FRMD4A: variants seen among roughly 807,000 people sequenced by gnomAD.
FRMD4A encodes FERM domain-containing protein 4A.
FRMD4A carries 29 observed loss-of-function variants against 129.1 expected under a neutral mutation model. That is an observed-to-expected ratio of 0.22 (90% CI 0.17 to 0.31). FRMD4A has a LOEUF of 0.31. Ranked by LOEUF, FRMD4A falls within the 10% of genes least tolerant of loss-of-function variation. FRMD4A has a pLI of 1.00. For synonymous variants in FRMD4A, 634 were observed against 571.6 expected (o/e 1.11, Z -1.56); for missense variants, 1,272 against 1,375.8 (o/e 0.92, Z 1.19).
intron 12 of FRMD4A, among the ~76,000 whole-genome samples, chr10:13,727,368 A>C (rs2089972221): frequency 6.6e-6 from 1 of 152,086 alleles, no homozygotes; most frequent in African/African-American, 2.4e-5. Flanking sequence ...AGCTACAGAG[A>C]ACCACCTTGC....
At chr10:13,859,841 A>G (rs971140770) in intron 2 of FRMD4A, among the ~76,000 whole-genome samples, 10 of 152,152 alleles carry the variant, frequency 6.6e-5, no homozygotes, top group African/African-American at 2.4e-5. Context: ...GCCTTTCAGG[A>G]CTGAAATCTC....
intron 2 of FRMD4A, among the ~76,000 whole-genome samples, chr10:14,075,975 G>GTAGC (rs1835575234): frequency 6.6e-6 from 1 of 152,198 alleles, no homozygotes; most frequent in Non-Finnish European, 1.5e-5. Flanking sequence ...TCATGGTAAT[G>GTAGC]TAGCATCTAT....
At chr10:13,912,413 A>C (rs370460581) in intron 2 of FRMD4A, among the ~76,000 whole-genome samples, 1 of 152,204 alleles carries the variant, frequency 6.6e-6, no homozygotes, top group Non-Finnish European at 1.5e-5. Context: ...AAACTTGCAC[A>C]TGAATGTTCA....
chr10:13,768,207 T>C (rs1588627292), intron 6 of FRMD4A, among the ~76,000 whole-genome samples: 4 of 152,254 alleles, frequency 2.6e-5, no homozygotes, highest in Admixed American at 2.6e-4. Context: ...CCTGAGGTCA[T>C]TTATCAGCAA....
intron 2 of FRMD4A, among the ~76,000 whole-genome samples, chr10:13,907,311 C>T (rs531130757): frequency 7.9e-5 from 12 of 152,070 alleles, no homozygotes; most frequent in African/African-American, 9.6e-5. Context: ...ATCTGTTGGG[C>T]GGTGATGTGC....
At chr10:13,695,739 T>C (rs866852287) in intron 14 of FRMD4A, among the ~76,000 whole-genome samples, 3 of 152,186 alleles carry the variant, frequency 2.0e-5, no homozygotes, top group South Asian at 4.1e-4. Flanking sequence ...CCAAGGTCTT[T>C]CCCACACAGG....
intron 2 of FRMD4A, among the ~76,000 whole-genome samples, chr10:14,177,035 C>G (rs950663251): frequency 6.6e-6 from 1 of 152,142 alleles, no homozygotes; most frequent in Non-Finnish European, 1.5e-5. Flanking sequence ...TAAGCTGCAT[C>G]CATTATTTGC....
In FRMD4A at chr10:13,785,893, C is replaced by T. The variant is rs901792840; in HGVS notation, c.300-2887G>A. Among the ~76,000 whole-genome samples the T allele has an allele frequency of 1.6e-3, 250 of 151,824 alleles. 7 individuals carry two copies. The highest frequency in any genetic ancestry group is 4.1e-4 in the Non-Finnish European group (28 of 67,970). ...GGTGTTTGGTTTTCTGTCCTTGTGA[C>T]AGTTTGCTCAGAATGATGGTTTCCA... On this transcript the variant is annotated intron_variant, in intron 5 of 24. Transcript: ENST00000357447.
chr10:14,146,078 C>T (rs1035821263), intron 2 of FRMD4A, among the ~76,000 whole-genome samples: 22 of 152,146 alleles, frequency 1.4e-4, no homozygotes, highest in South Asian at 4.2e-4. Flanking sequence ...GAAGAAATTA[C>T]TTAACATCTC....
At chr10:13,680,310 C>CG (rs2084430182) in intron 15 of FRMD4A, among the ~76,000 whole-genome samples, 1 of 152,020 alleles carries the variant, frequency 6.6e-6, no homozygotes, top group African/African-American at 2.4e-5. Context: ...AAAACCAAAC[C>CG]AAAAATTCTA....
At chr10:14,228,113 C>G (rs960806375) in intron 2 of FRMD4A, among the ~76,000 whole-genome samples, 2 of 152,056 alleles carry the variant, frequency 1.3e-5, no homozygotes, top group Non-Finnish European at 2.9e-5. Context: ...ACCTCATGAC[C>G]CACCTGTTTC....
At chr10:14,273,132 C>T (rs991719869) in intron 2 of FRMD4A, among the ~76,000 whole-genome samples, 1 of 151,840 alleles carries the variant, frequency 6.6e-6, no homozygotes, top group Non-Finnish European at 1.5e-5. Context: ...TGGTGCATAC[C>T]TGTGGTCCCA....
chr10:14,187,448 A>T, intron 2 of FRMD4A, among the ~76,000 whole-genome samples: 1 of 152,176 alleles, frequency 6.6e-6, no homozygotes, highest in Non-Finnish European at 1.5e-5. Context: ...TCCTTTGTAA[A>T]TAAAGGAACA....
At chr10:14,050,007 C>A (rs1427801427) in intron 2 of FRMD4A, among the ~76,000 whole-genome samples, 4 of 152,198 alleles carry the variant, frequency 2.6e-5, no homozygotes, top group African/African-American at 9.6e-5. Context: ...GACACGGAGG[C>A]AAGAGCTGCC....
chr10:13,696,226 A>G (rs1336627595), intron 14 of FRMD4A, among the ~76,000 whole-genome samples: 3 of 152,114 alleles, frequency 2.0e-5, no homozygotes, highest in Admixed American at 2.0e-4. Flanking sequence ...TTTTTATTTC[A>G]TTTTGACACA....
In FRMD4A at chr10:14,023,941, T is replaced by TA. The variant is rs34811053; in HGVS notation, c.46-165030dup. Among the ~76,000 whole-genome samples the TA allele has an allele frequency of 7.4e-4, 112 of 150,484 alleles. 1 individual carries two copies. The highest frequency in any genetic ancestry group is 2.4e-3 in the African/African-American group (99 of 41,024). ...CTTCTATCCTAGATTCAGCATCCTC[T>TA]AAAAAAAAAATTAGCATTTTGAGCA... is the stretch of plus-strand genomic sequence containing the variant. On this transcript the variant is annotated intron_variant, in intron 2 of 24. Transcript: ENST00000357447.
chr10:14,239,344 C>T (rs1843946339), intron 2 of FRMD4A, among the ~76,000 whole-genome samples: 1 of 152,098 alleles, frequency 6.6e-6, no homozygotes, highest in Non-Finnish European at 1.5e-5. Context: ...CTGGCAAAAG[C>T]TGGCCGGACG....
intron 8 of FRMD4A, among the ~76,000 whole-genome samples, chr10:13,755,799 C>T (rs2091836935): frequency 6.6e-6 from 1 of 152,238 alleles, no homozygotes; most frequent in African/African-American, 2.4e-5. Flanking sequence ...TATTCTCTCA[C>T]TTGGACTGGC....
intron 2 of FRMD4A, among the ~76,000 whole-genome samples, chr10:14,261,004 C>A (rs958976877): frequency 5.3e-5 from 8 of 152,122 alleles, no homozygotes; most frequent in African/African-American, 1.7e-4. Flanking sequence ...TCTCTAAAAT[C>A]TTTGTACCTA....
Sources: gnomAD v4.1 joint callset for allele counts (sites outside exome capture counted in the v4.1 genomes callset) on GRCh38, gnomAD v4.1.1 for gene constraint, MANE v1.5 for transcripts, NCBI Gene and HGNC (gene_info 2026-07-23, HGNC 2026-07-21) for gene names.